GALNT13: variants seen among roughly 807,000 people sequenced by gnomAD.
The protein encoded by GALNT13 is polypeptide N-acetylgalactosaminyltransferase 13.
Under a neutral mutation model 64.2 loss-of-function variants are expected in GALNT13, and 28 were observed. The ratio of observed to expected loss-of-function variants is 0.44; its 90% CI spans 0.32 to 0.60. GALNT13 has a LOEUF of 0.60. Ranked by LOEUF, GALNT13 falls within the 20% of genes least tolerant of loss-of-function variation. The pLI is 0.05. For missense variants in GALNT13, 577 were observed against 669.8 expected, an observed-to-expected ratio of 0.86 and a Z score of 1.53; for synonymous variants, 214 against 224.6, an observed-to-expected ratio of 0.95 and a Z score of 0.42.
chr2:153,608,777 T>C, the GALNT13 span, among the ~76,000 whole-genome samples: 3 of 147,820 alleles, frequency 2.0e-5, no homozygotes, highest in East Asian at 1.9e-4. Context: ...ATATCTGATA[T>C]ATAAACTATG....
chr2:153,346,217 C>T, the GALNT13 span, among the ~76,000 whole-genome samples: 1 of 152,140 alleles, frequency 6.6e-6, no homozygotes, highest in Non-Finnish European at 1.5e-5. Context: ...ATCATAATGC[C>T]CAGCCTCCTA....
At chr2:154,288,509 T>A (rs1692409242) in intron 8 of GALNT13, among the ~76,000 whole-genome samples, 1 of 152,186 alleles carries the variant, frequency 6.6e-6, no homozygotes, top group Admixed American at 6.5e-5. Context: ...ACAAGCCATG[T>A]CCTTTCTGCC....
At chr2:154,279,061 G>A (rs1203233631) in intron 8 of GALNT13, among the ~76,000 whole-genome samples, 1 of 152,028 alleles carries the variant, frequency 6.6e-6, no homozygotes, top group Non-Finnish European at 1.5e-5. Context: ...ATACCTACAG[G>A]TATTGGACAA....
intron 2 of GALNT13, among the ~76,000 whole-genome samples, chr2:153,919,932 G>C (rs1689636837): frequency 6.7e-6 from 1 of 148,642 alleles, no homozygotes. Flanking sequence ...TGTGTATAGG[G>C]GTTGGACTTG....
At chr2:154,290,481 C>A (rs1559070603) in intron 8 of GALNT13, among the ~76,000 whole-genome samples, 1 of 152,234 alleles carries the variant, frequency 6.6e-6, no homozygotes, top group Non-Finnish European at 1.5e-5. Context: ...AATGTACATA[C>A]AGGACATGCC....
chr2:153,174,895 C>T, the GALNT13 span, among the ~76,000 whole-genome samples: 1 of 148,654 alleles, frequency 6.7e-6, no homozygotes, highest in East Asian at 1.9e-4. Flanking sequence ...CACCCATCAC[C>T]CAATTCCAAA....
At chr2:153,369,972 C>T in the GALNT13 span, among the ~76,000 whole-genome samples, 1 of 152,104 alleles carries the variant, frequency 6.6e-6, no homozygotes, top group Non-Finnish European at 1.5e-5. Context: ...CTGACTGTAA[C>T]AAGTATTTGA....
the GALNT13 span, among the ~76,000 whole-genome samples, chr2:153,687,842 CA>C: frequency 6.6e-6 from 1 of 151,758 alleles, no homozygotes; most frequent in East Asian, 1.9e-4. Flanking sequence ...ACCAAGTTAC[CA>C]AAAATAAAGA....
At chr2:154,205,587 A>G (rs570181687) in intron 4 of GALNT13, among the ~76,000 whole-genome samples, 32 of 152,218 alleles carry the variant, frequency 2.1e-4, no homozygotes, top group Non-Finnish European at 3.5e-4. Flanking sequence ...ACAACTTACA[A>G]AAGAAAGAGG....
the GALNT13 span, among the ~76,000 whole-genome samples, chr2:153,086,713 A>AT: frequency 9.3e-5 from 14 of 149,740 alleles, no homozygotes; most frequent in African/African-American, 2.0e-4. Context: ...ATTTTATTTT[A>AT]TTTATTTTAT....
chr2:153,688,038 C>CTG, the GALNT13 span, among the ~76,000 whole-genome samples: 1 of 151,952 alleles, frequency 6.6e-6, no homozygotes. Flanking sequence ...GTTATTGTTG[C>CTG]TGTTAATTTC....
chr2:153,146,114 A>G, the GALNT13 span, among the ~76,000 whole-genome samples: 1 of 151,014 alleles, frequency 6.6e-6, no homozygotes, highest in African/African-American at 2.4e-5. Flanking sequence ...CCATTGCACC[A>G]TGCTTCCTCT....
the GALNT13 span, among the ~76,000 whole-genome samples, chr2:153,155,763 T>C: frequency 1.3e-5 from 2 of 152,154 alleles, no homozygotes; most frequent in Non-Finnish European, 2.9e-5. Context: ...TCTGCTAGCT[T>C]TGGGATTTGT....
the GALNT13 span, among the ~76,000 whole-genome samples, chr2:153,414,944 G>C: frequency 6.6e-6 from 1 of 152,162 alleles, no homozygotes; most frequent in East Asian, 1.9e-4. Context: ...TATTCTACTT[G>C]GGAACAAGGA....
chr2:153,335,172 T>C, the GALNT13 span, among the ~76,000 whole-genome samples: 1 of 152,192 alleles, frequency 6.6e-6, no homozygotes, highest in Non-Finnish European at 1.5e-5. Flanking sequence ...CCTCCTTTTC[T>C]TCCCAGTCTC....
At chr2:153,427,611 T>TA in the GALNT13 span, among the ~76,000 whole-genome samples, 1 of 152,156 alleles carries the variant, frequency 6.6e-6, no homozygotes, top group Non-Finnish European at 1.5e-5. Flanking sequence ...AAAGACAAGT[T>TA]AAAGTTTGAA....
chr2:153,960,564 A>G (rs577927756), intron 3 of GALNT13, among the ~76,000 whole-genome samples: 26 of 152,242 alleles, frequency 1.7e-4, no homozygotes, highest in Non-Finnish European at 3.4e-4. Context: ...AGATTAAGAG[A>G]TGAAGGGGTG....
chr2:153,181,588 A>T, the GALNT13 span, among the ~76,000 whole-genome samples: 1 of 148,186 alleles, frequency 6.7e-6, no homozygotes, highest in Non-Finnish European at 1.5e-5. Context: ...CCTGTCCATT[A>T]TTGAAATTGG....
At chr2:153,600,924 T>C in the GALNT13 span, among the ~76,000 whole-genome samples, 11 of 152,026 alleles carry the variant, frequency 7.2e-5, no homozygotes, top group African/African-American at 1.9e-4. Context: ...AATTCAATCA[T>C]TGTGGCCAGA....
Sources: gnomAD v4.1 joint callset for allele counts (sites outside exome capture counted in the v4.1 genomes callset) on GRCh38, gnomAD v4.1.1 for gene constraint, MANE v1.5 for transcripts, NCBI Gene and HGNC (gene_info 2026-07-23, HGNC 2026-07-21) for gene names.